SYAP1: variants seen among roughly 807,000 people sequenced by gnomAD.
The protein encoded by SYAP1 is synapse-associated protein 1.
In SYAP1, 3 loss-of-function variants were observed where a neutral mutation model predicts 29.6. The ratio of observed to expected loss-of-function variants is 0.10; its 90% CI spans 0.05 to 0.26. The LOEUF (loss-of-function observed/expected upper bound fraction) is 0.26. SYAP1 is among the 10% of genes least tolerant of loss of function. The pLI, the probability that SYAP1 is intolerant of heterozygous loss-of-function variation, is 1.00. For synonymous variants in SYAP1, 102 were observed against 102.7 expected (o/e 0.99, Z 0.04); for missense variants, 217 against 264.1 (o/e 0.82, Z 1.24).
chrX:16,764,161 C>T lies in SYAP1; in HGVS notation c.*3802C>T, dbSNP rs1052447842. The T allele has an allele frequency of 5.4e-5, 6 of 110,999 alleles. No individual in the cohort carries two copies. Among genetic ancestry groups the T allele is most frequent in the African/African-American group, 2.0e-4 (6 of 30,600 alleles). The allele number at this position is 110,999 out of a possible 1,213,427, so 9.1% of individuals were successfully genotyped here. A position where few individuals can be genotyped will look rare whatever the true frequency, so the allele number is the denominator to read the frequency against. ...AAGTGCTGGGATTACAGGCGTGAGCCACTGCGCCCAACCTTAATGGCTTTT... is the reference window on the plus strand; with the variant it reads ...AAGTGCTGGGATTACAGGCGTGAGCTACTGCGCCCAACCTTAATGGCTTTT... On this transcript the variant is annotated 3_prime_UTR_variant, in exon 9 of 9. Transcript: ENST00000380155.
intron 4 of SYAP1, 53 bp from the exon 5 acceptor site, chrX:16,743,648 C>G: frequency 1.8e-6 from 2 of 1,128,469 alleles, no homozygotes; most frequent in Non-Finnish European, 2.4e-6. Flanking sequence ...AAATTGTTAT[C>G]TATTAATCGC....
At chrX:16,731,851 A>T (rs747919935) in intron 1 of SYAP1, among the ~76,000 whole-genome samples, 1 of 111,241 alleles carries the variant, frequency 9.0e-6, no homozygotes, top group South Asian at 3.7e-4. Context: ...GAGGCAGGAA[A>T]ATCACTTGAA....
intron 3 of SYAP1, among the ~76,000 whole-genome samples, chrX:16,737,621 G>C (rs1003203608): frequency 1.8e-5 from 2 of 111,597 alleles, no homozygotes; most frequent in East Asian, 2.8e-4. Flanking sequence ...GTGAGGGCGT[G>C]GGGGTGGAAG....
intron 5 of SYAP1, among the ~76,000 whole-genome samples, chrX:16,754,467 C>T (rs947392172): frequency 4.5e-5 from 5 of 111,810 alleles, no homozygotes; most frequent in South Asian, 3.7e-4. Flanking sequence ...CGGTGGCTCA[C>T]GCCTGTAATC....
At chrX:16,724,553 G>C (rs992692805) in intron 1 of SYAP1, among the ~76,000 whole-genome samples, 17 of 111,487 alleles carry the variant, frequency 1.5e-4, no homozygotes, top group African/African-American at 4.9e-4. Context: ...TCCAAGAAAT[G>C]TGGGGATGGG....
chrX:16,748,725 T>C (rs139373047), intron 5 of SYAP1, among the ~76,000 whole-genome samples: 2,826 of 109,810 alleles, frequency 0.026, 112 homozygotes, highest in African/African-American at 0.088. Context: ...TGTTTGAGAG[T>C]TGCTGTGCTC....
At chrX:16,742,608 T>G (rs766259668) in intron 4 of SYAP1, among the ~76,000 whole-genome samples, 45 of 111,317 alleles carry the variant, frequency 4.0e-4, no homozygotes, top group Non-Finnish European at 6.8e-4. Context: ...ATTTAATTTG[T>G]TTTGTTTTGT....
rs1198712702 is a variant in SYAP1, at chrX:16,757,230, C to T, written c.852C>T (p.Asn284=). 6 of 1,208,768 alleles carry T rather than the reference C, an allele frequency of 5.0e-6. No homozygotes were observed. The South Asian group carries it at 8.8e-5, about 18-fold the overall frequency. ...EFVSDAFDAC[N]LNQEDLRKEM... ...TCAGTGATGCCTTCGATGCCTGTAA[C>T]CTAAATCAGGAAGATCTAAGGAAAG... is the stretch of plus-strand genomic sequence containing the variant. The change falls in exon 8 of 9, where the codon AAC becomes AAT. Residue 284 remains asparagine (N), a synonymous_variant. Transcript: ENST00000380155.
chrX:16,730,309 G>A (rs1412255052), intron 1 of SYAP1, among the ~76,000 whole-genome samples: 7 of 112,634 alleles, frequency 6.2e-5, no homozygotes, highest in Non-Finnish European at 1.3e-4. Flanking sequence ...AGCCAAGATC[G>A]CACCATTGCG....
chrX:16,744,309 G>T (rs1926545008), intron 5 of SYAP1, among the ~76,000 whole-genome samples: 1 of 112,437 alleles, frequency 8.9e-6, no homozygotes, highest in African/African-American at 3.2e-5. Flanking sequence ...CTGGAAGCCT[G>T]CCTTGGTGGT....
chrX:16,744,740 G>A (rs1170620154), intron 5 of SYAP1, among the ~76,000 whole-genome samples: 1 of 111,332 alleles, frequency 9.0e-6, no homozygotes, highest in Non-Finnish European at 1.9e-5. Context: ...GCTGAGGCGG[G>A]AGGATCATGT....
chrX:16,723,761 C>T (rs1166653297), intron 1 of SYAP1, among the ~76,000 whole-genome samples: 6 of 112,198 alleles, frequency 5.3e-5, no homozygotes, highest in African/African-American at 1.9e-4. Flanking sequence ...TCTGTGTTTA[C>T]TTTAACAAAT....
intron 8 of SYAP1, among the ~76,000 whole-genome samples, chrX:16,758,314 G>A (rs1224235436): frequency 1.8e-5 from 2 of 109,094 alleles, no homozygotes; most frequent in African/African-American, 3.3e-5. Flanking sequence ...CTAAGTGCTA[G>A]TATTATAGGT....
At chrX:16,760,103 T>TAGTGAAG (rs1926948214) in intron 8 of SYAP1, 129 bp from the exon 9 acceptor site, 2 of 560,806 alleles carry the variant, frequency 3.6e-6, no homozygotes, top group Non-Finnish European at 5.4e-6. Context: ...GCACACATAG[T>TAGTGAAG]AGTGAAGCCT....
intron 5 of SYAP1, among the ~76,000 whole-genome samples, chrX:16,752,057 G>A (rs1307343915): frequency 1.1e-5 from 1 of 91,552 alleles, no homozygotes; most frequent in African/African-American, 4.2e-5. Context: ...TTGGCTCACC[G>A]CAGCCTCCAC....
chrX:16,719,805 C>G lies in SYAP1; in HGVS notation c.81C>G (p.Pro27=). 1 of 1,198,556 alleles carries G rather than the reference C, an allele frequency of 8.3e-7. No individual in the cohort carries two copies. Among genetic ancestry groups the G allele is most frequent in the Non-Finnish European group, 1.1e-6 (1 of 889,547 alleles). The part of the protein sequence containing the change: ...GGGQPNGDAP[P]EQPSETVAES... ...GGCAGCCCAATGGAGATGCTCCACC[C>G]GAGCAGCCGTCCGAGACGGTGGCTG... is the stretch of plus-strand genomic sequence containing the variant. The change falls in exon 1 of 9, where the codon CCC becomes CCG. Residue 27 remains proline, a synonymous_variant. Coordinates refer to ENST00000380155, the MANE Select transcript of SYAP1 (RefSeq NM_032796.4).
At chrX:16,733,976 C>A (rs1172867689) in intron 1 of SYAP1, among the ~76,000 whole-genome samples, 1 of 111,315 alleles carries the variant, frequency 9.0e-6, no homozygotes, top group Non-Finnish European at 1.9e-5. Flanking sequence ...TGACACATGT[C>A]TTTTCACATC....
chrX:16,750,797 T>G (rs1926713605), intron 5 of SYAP1, among the ~76,000 whole-genome samples: 1 of 102,004 alleles, frequency 9.8e-6, no homozygotes, highest in African/African-American at 3.6e-5. Context: ...AGACAGAGTC[T>G]CACTCTGTCA....
At position 16,719,911 on chromosome X, in the gene SYAP1, C is replaced by G. The variant is rs1925918450; in HGVS notation, c.175+12C>G. 5 of 1,169,847 alleles carry G rather than the reference C, an allele frequency of 4.3e-6. No individual in the cohort carries two copies. The East Asian group carries it at 1.6e-4, about 37-fold the overall frequency. On this transcript the variant is annotated intron_variant, in intron 1 of 8. Coordinates refer to ENST00000380155, the MANE Select transcript of SYAP1 (RefSeq NM_032796.4). ...CAAAGACTTCGGCAGTGAGTCTACC[C>G]TGGCTCTGGGACCGGGAAGGGGGGG...
Sources: allele counts gnomAD v4.1 joint callset (sites outside exome capture counted in the v4.1 genomes callset), GRCh38; gene constraint gnomAD v4.1.1; transcripts MANE v1.5; gene names NCBI Gene and HGNC (gene_info 2026-07-23, HGNC 2026-07-21).